The following RYR3 variants were observed in gnomAD, a reference collection of about 807,000 sequenced individuals.
The protein encoded by RYR3 is brain ryanodine receptor-calcium release channel.
A neutral mutation model predicts 584.3 loss-of-function variants in RYR3; 207 were observed. That is an observed-to-expected ratio of 0.35 (90% CI 0.32 to 0.40). The LOEUF is 0.40. RYR3 is among the 10% of genes least tolerant of loss of function. RYR3 has a pLI of 1.00. For synonymous variants in RYR3, 2,416 were observed against 2,248.5 expected (o/e 1.07, Z -2.11); for missense variants, 5,616 against 6,089.2 (o/e 0.92, Z 2.59).
At chr15:33,809,017 A>T (rs1348178862) in intron 70 of RYR3, among the ~76,000 whole-genome samples, 1 of 152,200 alleles carries the variant, frequency 6.6e-6, no homozygotes, top group Non-Finnish European at 1.5e-5. Context: ...CAGCCGCCAC[A>T]AGTGCTGAAA....
chr15:33,643,369 A>G (rs1595942813), intron 27 of RYR3, among the ~76,000 whole-genome samples: 1 of 152,152 alleles, frequency 6.6e-6, no homozygotes, highest in African/African-American at 2.4e-5. Context: ...GTCCACAATT[A>G]TGATTTATAA....
At chr15:33,852,589 G>T (rs568382348) in intron 94 of RYR3, 2 of 156,878 alleles carry the variant, frequency 1.3e-5, no homozygotes, top group South Asian at 1.9e-4. Flanking sequence ...CATATAGTTA[G>T]GGACTTTATC....
chr15:33,710,864 G>C (rs2067059747), intron 43 of RYR3, among the ~76,000 whole-genome samples: 1 of 152,220 alleles, frequency 6.6e-6, no homozygotes, highest in Non-Finnish European at 1.5e-5. Context: ...TATATGGGGA[G>C]CAATATCATG....
At chr15:33,327,696 G>A (rs972833696) in intron 1 of RYR3, among the ~76,000 whole-genome samples, 1 of 151,990 alleles carries the variant, frequency 6.6e-6, no homozygotes, top group Non-Finnish European at 1.5e-5. Flanking sequence ...GAAGTTGCCT[G>A]CCTGCCTGCC....
At chr15:33,692,436 C>T (rs2152758360) in intron 38 of RYR3, among the ~76,000 whole-genome samples, 1 of 152,170 alleles carries the variant, frequency 6.6e-6, no homozygotes. Context: ...CTGCCCCTCT[C>T]CCCCTGAATT....
chr15:33,676,220 A>C (rs554893420), intron 38 of RYR3, among the ~76,000 whole-genome samples: 1 of 142,732 alleles, frequency 7.0e-6, no homozygotes, highest in Non-Finnish European at 1.5e-5. Flanking sequence ...GAGCCAACAA[A>C]TGTACGCTGC....
chr15:33,635,563 C>T (rs1495280), intron 25 of RYR3, 51 bp from the exon 26 acceptor site: 683,596 of 1,405,366 alleles, frequency 0.49, 168,667 homozygotes, highest in East Asian at 0.66. Flanking sequence ...TGAAGGTCTA[C>T]GTTCTCTCTT....
chr15:33,521,187 C>T (rs150363217), intron 3 of RYR3, among the ~76,000 whole-genome samples: 30 of 152,214 alleles, frequency 2.0e-4, no homozygotes, highest in African/African-American at 7.0e-4. Context: ...TGAGCCATCT[C>T]GCAGATTATA....
chr15:33,361,914 G>C (rs1367443705), intron 1 of RYR3, among the ~76,000 whole-genome samples: 1 of 152,142 alleles, frequency 6.6e-6, no homozygotes, highest in Non-Finnish European at 1.5e-5. Flanking sequence ...ACCATACTTA[G>C]GAGAAAGAGT....
At chr15:33,806,033 T>G (rs1460763858) in intron 69 of RYR3, among the ~76,000 whole-genome samples, 1 of 151,842 alleles carries the variant, frequency 6.6e-6, no homozygotes, top group African/African-American at 2.4e-5. Flanking sequence ...CTTCGCATTC[T>G]CAGACCGACT....
chr15:33,546,920 T>A (rs1310787748), intron 8 of RYR3, among the ~76,000 whole-genome samples: 1 of 152,206 alleles, frequency 6.6e-6, no homozygotes, highest in East Asian at 1.9e-4. Context: ...CCATACAAAT[T>A]CTCTACGGTG....
chr15:33,755,921 C>T (rs977188200), intron 58 of RYR3, among the ~76,000 whole-genome samples: 2 of 152,062 alleles, frequency 1.3e-5, no homozygotes, highest in Non-Finnish European at 2.9e-5. Context: ...AGGTGCCCAC[C>T]ACCACGCCTG....
chr15:33,587,581 G>T (rs917715903), intron 16 of RYR3, among the ~76,000 whole-genome samples: 2 of 152,192 alleles, frequency 1.3e-5, no homozygotes, highest in African/African-American at 4.8e-5. Flanking sequence ...AGAAATCAAT[G>T]CCTGATCTGA....
In RYR3 at chr15:33,831,542, A is replaced by G. The variant is rs551391194; in HGVS notation, c.11463+451A>G. On this transcript the variant is annotated intron_variant, in intron 86 of 103. Coordinates refer to ENST00000634891, the MANE Select transcript of RYR3 (RefSeq NM_001036.6). ...AAACAGGATCCATGAGATCCTACTG[A>G]TTTGTCAGAAATTAACTCTGGAAGA... 2.2e-4 allele frequency among the ~76,000 whole-genome samples: 33 copies of G among 152,348 alleles called. No homozygotes were observed. The South Asian group carries it at 6.6e-3, about 31-fold the overall frequency.
At chr15:33,673,487 A>G (rs893710714) in intron 38 of RYR3, among the ~76,000 whole-genome samples, 5 of 152,268 alleles carry the variant, frequency 3.3e-5, no homozygotes, top group African/African-American at 2.4e-5. Context: ...ATAATGAACA[A>G]GTGAAAAAAT....
chr15:33,699,610 T>C (rs2066146077), intron 40 of RYR3, 94 bp from the exon 41 acceptor site: 1 of 1,164,878 alleles, frequency 8.6e-7, no homozygotes, highest in Admixed American at 2.6e-5. Flanking sequence ...TTCCAAGTGT[T>C]CACACTTTAC....
intron 53 of RYR3, 47 bp downstream of exon 53, chr15:33,746,204 TC>T (rs746373690): frequency 1.1e-4 from 150 of 1,310,736 alleles, no homozygotes; most frequent in Non-Finnish European, 1.5e-4. Context: ...GCTGTTTCCT[TC>T]CTTGAGTGAT....
At chr15:33,341,287 C>T (rs1010499464) in intron 1 of RYR3, among the ~76,000 whole-genome samples, 3 of 152,096 alleles carry the variant, frequency 2.0e-5, no homozygotes, top group South Asian at 2.1e-4. Flanking sequence ...GACCCACCCG[C>T]GTCAGCCTCC....
intron 3 of RYR3, among the ~76,000 whole-genome samples, chr15:33,523,074 A>G (rs754368749): frequency 5.3e-5 from 8 of 152,064 alleles, no homozygotes; most frequent in Non-Finnish European, 1.0e-4. Context: ...ACTTGGAGAA[A>G]TTTTATGTCT....
Sources: gnomAD v4.1 joint callset for allele counts (sites outside exome capture counted in the v4.1 genomes callset) on GRCh38, gnomAD v4.1.1 for gene constraint, MANE v1.5 for transcripts, NCBI Gene and HGNC (gene_info 2026-07-23, HGNC 2026-07-21) for gene names.